Variants in DLG2 observed in about 807,000 individuals in gnomAD.
DLG2 encodes the protein disks large homolog 2.
DLG2 carries 45 observed loss-of-function variants against 132.5 expected under a neutral mutation model. The ratio of observed to expected loss-of-function variants is 0.34; its 90% CI spans 0.27 to 0.44. The LOEUF (loss-of-function observed/expected upper bound fraction) is 0.44, where lower values mean the gene tolerates loss of function less well. Ranked by LOEUF, DLG2 falls within the 20% of genes least tolerant of loss-of-function variation. The pLI, the probability that DLG2 is intolerant of heterozygous loss-of-function variation, is 1.00. For synonymous variants in DLG2, 424 were observed against 419.6 expected, an observed-to-expected ratio of 1.01 and a Z score of -0.13; for missense variants, 1,045 against 1,196.9, an observed-to-expected ratio of 0.87 and a Z score of 1.87.
rs1043054091 is a variant in DLG2, at chr11:85,512,732, C to T, written c.40+85925G>A. Among the ~76,000 whole-genome samples the T allele has an allele frequency of 7.2e-5, 11 of 152,154 alleles. No individual in the cohort carries two copies. In the South Asian group the frequency reaches 2.3e-3, roughly 32 times the overall value. On this transcript the variant is annotated intron_variant, in intron 3 of 27. Coordinates refer to ENST00000376104, the MANE Select transcript of DLG2 (RefSeq NM_001142699.3). ...TTGCAGAAAAAAGGGAATGCTTATA[C>T]ACTATTGGTGGGAATGTAAATTAGT...
chr11:84,939,697 A>G (rs2049156078), intron 6 of DLG2, among the ~76,000 whole-genome samples: 1 of 152,176 alleles, frequency 6.6e-6, no homozygotes, highest in East Asian at 1.9e-4. Flanking sequence ...TGCTTGGCTT[A>G]TTCCACTGAA....
chr11:83,987,896 A>C (rs559019388), intron 11 of DLG2, among the ~76,000 whole-genome samples: 13 of 152,050 alleles, frequency 8.5e-5, no homozygotes, highest in Non-Finnish European at 1.9e-4. Flanking sequence ...ACTGATGTTG[A>C]GCCTTTTTTC....
intron 18 of DLG2, among the ~76,000 whole-genome samples, chr11:83,664,028 T>G (rs937900477): frequency 1.3e-5 from 2 of 152,330 alleles, no homozygotes; most frequent in Middle Eastern, 3.4e-3. Flanking sequence ...TTCTGTGACC[T>G]GTTTTTTCAT....
chr11:85,594,375 C>T (rs898781364), intron 3 of DLG2, among the ~76,000 whole-genome samples: 3 of 152,164 alleles, frequency 2.0e-5, no homozygotes, highest in African/African-American at 7.2e-5. Flanking sequence ...CTCCATTAAA[C>T]AAGATAAGCC....
At chr11:83,727,649 T>C (rs2090269132) in intron 18 of DLG2, among the ~76,000 whole-genome samples, 1 of 152,206 alleles carries the variant, frequency 6.6e-6, no homozygotes, top group Admixed American at 6.5e-5. Context: ...CCAATTTTAA[T>C]ATAGTCCATG....
chr11:83,963,342 T>C (rs541653474), intron 13 of DLG2, among the ~76,000 whole-genome samples: 1 of 152,138 alleles, frequency 6.6e-6, no homozygotes, highest in East Asian at 1.9e-4. Context: ...AAATAAAATG[T>C]TAGCTTTCTA....
intron 7 of DLG2, among the ~76,000 whole-genome samples, chr11:84,326,987 AT>A (rs1334830277): frequency 1.3e-5 from 2 of 150,322 alleles, no homozygotes; most frequent in Non-Finnish European, 3.0e-5. Flanking sequence ...ATTTTTTAAC[AT>A]TTTTTACCTA....
At chr11:85,197,166 CT>C (rs1192794635) in intron 4 of DLG2, among the ~76,000 whole-genome samples, 12 of 152,220 alleles carry the variant, frequency 7.9e-5, no homozygotes, top group African/African-American at 2.6e-4. Context: ...TTTGGCAGAC[CT>C]TTCTACGATG....
intron 6 of DLG2, among the ~76,000 whole-genome samples, chr11:84,661,625 T>C (rs2099694517): frequency 6.6e-6 from 1 of 152,110 alleles, no homozygotes; most frequent in South Asian, 2.1e-4. Flanking sequence ...AAGCCAGGGA[T>C]ATAAGAGCAA....
At position 83,996,514 on chromosome 11, in the gene DLG2, C is replaced by T. The variant is rs369607777; in HGVS notation, c.920-15872G>A. ...TCAGTATACTGAAGCGATATCTGCA[C>T]TCTCATGCTTATTGCAGCACTATTT... On this transcript the variant is annotated intron_variant, in intron 11 of 27. Coordinates refer to ENST00000376104, the MANE Select transcript of DLG2 (RefSeq NM_001142699.3). Among the ~76,000 whole-genome samples, 14 of 152,302 alleles carry T rather than the reference C, an allele frequency of 9.2e-5. No homozygotes were observed. In the East Asian group the frequency reaches 2.7e-3, roughly 29 times the overall value.
intron 21 of DLG2, among the ~76,000 whole-genome samples, chr11:83,504,734 C>T (rs951337975): frequency 1.3e-5 from 2 of 152,162 alleles, no homozygotes; most frequent in African/African-American, 4.8e-5. Context: ...AGTGGTGCCG[C>T]TTCCACTTCC....
chr11:84,766,413 G>A (rs180728256), intron 6 of DLG2, among the ~76,000 whole-genome samples: 2 of 151,712 alleles, frequency 1.3e-5, no homozygotes, highest in Admixed American at 6.6e-5. Flanking sequence ...TCTTATCATC[G>A]CTCAGGGATA....
intron 6 of DLG2, among the ~76,000 whole-genome samples, chr11:85,104,872 CAAAAAAAAAAA>C (rs56043190): frequency 1.6e-4 from 9 of 56,044 alleles, no homozygotes; most frequent in African/African-American, 5.5e-4. Flanking sequence ...GGCTGAATGG[CAAAAAAAAAAA>C]AAAAAAAAAA....
At chr11:85,227,027 A>G (rs568570254) in intron 4 of DLG2, among the ~76,000 whole-genome samples, 94 of 152,174 alleles carry the variant, frequency 6.2e-4, no homozygotes, top group Non-Finnish European at 1.2e-3. Flanking sequence ...ACAGAATGGT[A>G]TCAAGGTGGA....
At chr11:84,865,361 A>G (rs1327847105) in intron 6 of DLG2, among the ~76,000 whole-genome samples, 2 of 152,182 alleles carry the variant, frequency 1.3e-5, no homozygotes, top group African/African-American at 4.8e-5. Flanking sequence ...GTGAGGAATG[A>G]CCCTAAAAGA....
intron 6 of DLG2, among the ~76,000 whole-genome samples, chr11:85,074,736 CAT>C (rs1221495439): frequency 1.3e-5 from 2 of 151,818 alleles, no homozygotes; most frequent in Non-Finnish European, 1.5e-5. Flanking sequence ...GAGGCACTGG[CAT>C]ATGTTTCCCT....
At chr11:83,642,514 G>T (rs2066871428) in intron 18 of DLG2, among the ~76,000 whole-genome samples, 1 of 152,072 alleles carries the variant, frequency 6.6e-6, no homozygotes, top group Non-Finnish European at 1.5e-5. Context: ...AGTTTTATAG[G>T]CAAATAACAA....
intron 3 of DLG2, among the ~76,000 whole-genome samples, chr11:85,350,295 A>G (rs1164003109): frequency 6.6e-6 from 1 of 152,114 alleles, no homozygotes; most frequent in Admixed American, 6.5e-5. Context: ...TTCTTTGTAG[A>G]TTCTGGATAT....
At chr11:85,465,485 G>A (rs1010228346) in intron 3 of DLG2, among the ~76,000 whole-genome samples, 2 of 151,972 alleles carry the variant, frequency 1.3e-5, no homozygotes, top group South Asian at 2.1e-4. Context: ...GCCCTGGTGT[G>A]TGATGTTCCC....
Sources: allele counts gnomAD v4.1 joint callset (sites outside exome capture counted in the v4.1 genomes callset), GRCh38; gene constraint gnomAD v4.1.1; transcripts MANE v1.5; gene names NCBI Gene and HGNC (gene_info 2026-07-23, HGNC 2026-07-21).